KCTD1: variants seen among roughly 807,000 people sequenced by gnomAD.
KCTD1 encodes BTB/POZ domain-containing protein KCTD1.
In KCTD1, 24 loss-of-function variants were observed where a neutral mutation model predicts 66.0. The observed-to-expected ratio is 0.36, with a 90% confidence interval of 0.26 to 0.51. The LOEUF (loss-of-function observed/expected upper bound fraction) is 0.51. Among genes scored for constraint, KCTD1 ranks in the 20% least tolerant of loss-of-function variants. The pLI, the probability that KCTD1 is intolerant of heterozygous loss-of-function variation, is 0.95. For synonymous variants in KCTD1, 511 were observed against 517.2 expected (o/e 0.99, Z 0.16); for missense variants, 943 against 1,205.2 (o/e 0.78, Z 3.22).
rs139880405 is a variant in KCTD1 at position 26,526,287 on chromosome 18, GCA to G, written c.1809+20439_1809+20440del. On this transcript the variant is annotated intron_variant, in intron 1 of 4. Coordinates refer to ENST00000580059, the MANE Select transcript of KCTD1 (RefSeq NM_001142730.3). The stretch of plus-strand genomic sequence containing the variant: ...GGAGGAGGGAAACCATGCTGCCCAT[GCA>G]CAATGAACCTCCCTGGGCCTCAAGG... Among the ~76,000 whole-genome samples the G allele has an allele frequency of 5.1e-3, 776 of 152,300 alleles. 6 individuals carry two copies. Among genetic ancestry groups the G allele is most frequent in the Non-Finnish European group, 7.5e-3 (507 of 68,020 alleles).
At chr18:26,614,796 C>T (rs372081624) in intron 1 of KCTD1, among the ~76,000 whole-genome samples, 14 of 152,288 alleles carry the variant, frequency 9.2e-5, no homozygotes, top group East Asian at 5.8e-4. Context: ...AACTCGTTAA[C>T]GTGGTGACCT....
At chr18:26,593,692 GAAGATAAGC>G (rs1986692397) in intron 1 of KCTD1, among the ~76,000 whole-genome samples, 1 of 137,534 alleles carries the variant, frequency 7.3e-6, no homozygotes, top group African/African-American at 2.8e-5. Flanking sequence ...GGAGGAGGAA[GAAGATAAGC>G]AGGAGGAGGA....
intron 1 of KCTD1, among the ~76,000 whole-genome samples, chr18:26,588,544 T>C (rs752831703): frequency 6.6e-5 from 10 of 152,006 alleles, no homozygotes; most frequent in Non-Finnish European, 1.3e-4. Flanking sequence ...TAATGAAGAG[T>C]TGGGCACAGC....
At chr18:26,572,063 G>T (rs1467331259) in intron 1 of KCTD1, among the ~76,000 whole-genome samples, 23 of 139,884 alleles carry the variant, frequency 1.6e-4, no homozygotes, top group South Asian at 2.3e-4. Context: ...TGTTGTTGTT[G>T]TTTTTTTTTT....
At chr18:26,656,359 G>C (rs761381377) in intron 1 of KCTD1, among the ~76,000 whole-genome samples, 2 of 152,212 alleles carry the variant, frequency 1.3e-5, no homozygotes, top group Non-Finnish European at 2.9e-5. Context: ...CTTCTAATCC[G>C]GAGCATGTGC....
intron 3 of KCTD1, among the ~76,000 whole-genome samples, chr18:26,473,350 G>T (rs570732835): frequency 6.6e-6 from 1 of 152,186 alleles, no homozygotes; most frequent in African/African-American, 2.4e-5. Flanking sequence ...ATAAGTGGGA[G>T]CTGAACAATG....
intron 1 of KCTD1, among the ~76,000 whole-genome samples, chr18:26,508,643 G>C (rs926189842): frequency 7.9e-5 from 12 of 152,200 alleles, no homozygotes; most frequent in African/African-American, 2.9e-4. Context: ...ACATTCAGTA[G>C]AGCAGTGAAA....
chr18:26,527,241 T>C (rs1028592581), intron 1 of KCTD1, among the ~76,000 whole-genome samples: 1 of 151,964 alleles, frequency 6.6e-6, no homozygotes, highest in Non-Finnish European at 1.5e-5. Flanking sequence ...TCTGCTGAAA[T>C]GGGAACTACA....
chr18:26,578,409 T>G lies in KCTD1; in HGVS notation c.-16+50738A>C, dbSNP rs1000782309. 4.6e-5 allele frequency among the ~76,000 whole-genome samples: 7 copies of G among 152,376 alleles called. No homozygotes were observed. In the South Asian group the frequency reaches 1.4e-3, roughly 32 times the overall value. On this transcript the variant is annotated intron_variant, in intron 1 of 4. Coordinates refer to the KCTD1 transcript ENST00000317932. Reference sequence around the variant, plus strand: ...CAAGGATTTGAAATTGCTTGTATCATAAACTATTGTTAGTATTTGCTCCTA... The same window carrying G: ...CAAGGATTTGAAATTGCTTGTATCAGAAACTATTGTTAGTATTTGCTCCTA...
chr18:26,567,490 T>C (rs1180186227), intron 1 of KCTD1, among the ~76,000 whole-genome samples: 1 of 67,658 alleles, frequency 1.5e-5, no homozygotes, highest in African/African-American at 4.1e-5. Flanking sequence ...TTGTTGTTGT[T>C]TTTTTTTTTT....
chr18:26,467,786 G>C (rs572352088), intron 3 of KCTD1, among the ~76,000 whole-genome samples: 30 of 152,284 alleles, frequency 2.0e-4, no homozygotes, highest in African/African-American at 6.0e-4. Context: ...TTGCACTCCA[G>C]CCTGGGTGAC....
At chr18:26,569,938 G>A (rs532570894) in intron 1 of KCTD1, among the ~76,000 whole-genome samples, 1 of 152,120 alleles carries the variant, frequency 6.6e-6, no homozygotes, top group Non-Finnish European at 1.5e-5. Flanking sequence ...TGTAATCCAA[G>A]CACTTTGGGA....
chr18:26,585,277 T>C (rs185031111), intron 1 of KCTD1, among the ~76,000 whole-genome samples: 2 of 152,362 alleles, frequency 1.3e-5, no homozygotes, highest in African/African-American at 4.8e-5. Flanking sequence ...TTTTCAATTA[T>C]GGTAAGATCA....
At chr18:26,615,850 G>A (rs1349264280) in intron 1 of KCTD1, among the ~76,000 whole-genome samples, 1 of 152,112 alleles carries the variant, frequency 6.6e-6, no homozygotes, top group African/African-American at 2.4e-5. Context: ...GAGTTCAATG[G>A]CACTGTCTCA....
At chr18:26,597,658 G>GTTT (rs71169866) in intron 1 of KCTD1, among the ~76,000 whole-genome samples, 1 of 108,102 alleles carries the variant, frequency 9.3e-6, no homozygotes. Flanking sequence ...AGGTCTTGGT[G>GTTT]TTTTTTTTTT....
At chr18:26,521,337 C>G (rs1983900019) in intron 1 of KCTD1, among the ~76,000 whole-genome samples, 1 of 152,242 alleles carries the variant, frequency 6.6e-6, no homozygotes, top group South Asian at 2.1e-4. Flanking sequence ...AAAAACACCA[C>G]TATGGGCATA....
intron 1 of KCTD1, among the ~76,000 whole-genome samples, chr18:26,622,236 C>T (rs920573214): frequency 8.5e-5 from 13 of 152,166 alleles, no homozygotes; most frequent in South Asian, 6.2e-4. Context: ...TAAGAACTCA[C>T]GAGAGGAGCA....
chr18:26,460,077 C>G (rs746102508), intron 3 of KCTD1, 152 bp from the exon 4 acceptor site: 21 of 620,898 alleles, frequency 3.4e-5, no homozygotes, highest in Non-Finnish European at 5.9e-5. Flanking sequence ...TGTAGAGGCT[C>G]AATTTGCATT....
At chr18:26,638,639 G>A (rs1987771662) in intron 1 of KCTD1, among the ~76,000 whole-genome samples, 1 of 152,222 alleles carries the variant, frequency 6.6e-6, no homozygotes, top group African/African-American at 2.4e-5. Context: ...GATGTGTCTG[G>A]GGAAGTGCCC....
Sources: allele counts gnomAD v4.1 joint callset (sites outside exome capture counted in the v4.1 genomes callset), GRCh38; gene constraint gnomAD v4.1.1; transcripts MANE v1.5; gene names NCBI Gene and HGNC (gene_info 2026-07-23, HGNC 2026-07-21).